NAALADL2: variants seen among roughly 807,000 people sequenced by gnomAD.
NAALADL2 encodes N-acetylated alpha-linked acidic dipeptidase like 2.
NAALADL2 carries 76 observed loss-of-function variants against 87.2 expected under a neutral mutation model. That is an observed-to-expected ratio of 0.87 (90% CI 0.72 to 1.05). The LOEUF (loss-of-function observed/expected upper bound fraction) is 1.05, where lower values mean the gene tolerates loss of function less well. Ranked by LOEUF, NAALADL2 falls within the 50% of genes least tolerant of loss-of-function variation. The pLI is 0.00. For synonymous variants in NAALADL2, 354 were observed against 331.0 expected, an observed-to-expected ratio of 1.07 and a Z score of -0.75; for missense variants, 1,089 against 945.8, an observed-to-expected ratio of 1.15 and a Z score of -1.99.
chr3:174,771,614 G>C (rs540150358), intron 3 of NAALADL2, among the ~76,000 whole-genome samples: 1 of 152,302 alleles, frequency 6.6e-6, no homozygotes, highest in East Asian at 1.9e-4. Context: ...TGATCCTAGG[G>C]ATTTCTGTGT....
intron 1 of NAALADL2, among the ~76,000 whole-genome samples, chr3:175,090,756 G>T (rs543990696): frequency 2.0e-5 from 3 of 152,148 alleles, no homozygotes; most frequent in Non-Finnish European, 4.4e-5. Flanking sequence ...ACTCATTTTA[G>T]AGTAGGCACT....
chr3:174,823,383 A>T (rs878873866), intron 3 of NAALADL2, among the ~76,000 whole-genome samples: 1 of 152,162 alleles, frequency 6.6e-6, no homozygotes, highest in Non-Finnish European at 1.5e-5. Context: ...TTAAGCAAAT[A>T]CTTTATATTT....
chr3:174,892,024 G>C (rs1282306699), intron 1 of NAALADL2, among the ~76,000 whole-genome samples: 1 of 152,092 alleles, frequency 6.6e-6, no homozygotes, highest in Admixed American at 6.6e-5. Flanking sequence ...GGCTTGGGGT[G>C]CCCCCTAAAG....
At chr3:174,872,396 G>A (rs941901937) in intron 1 of NAALADL2, among the ~76,000 whole-genome samples, 7 of 152,062 alleles carry the variant, frequency 4.6e-5, no homozygotes, top group Non-Finnish European at 7.3e-5. Context: ...GCCGGGATTC[G>A]GGATTCAAAC....
intron 4 of NAALADL2, among the ~76,000 whole-genome samples, chr3:175,289,328 C>T (rs1044181019): frequency 1.1e-4 from 16 of 152,022 alleles, no homozygotes; most frequent in African/African-American, 3.4e-4. Flanking sequence ...TTTAAGACTT[C>T]TATAGAGCTG....
At chr3:175,752,588 A>C (rs548194529) in intron 12 of NAALADL2, among the ~76,000 whole-genome samples, 3 of 152,284 alleles carry the variant, frequency 2.0e-5, no homozygotes, top group Non-Finnish European at 4.4e-5. Context: ...CTACTTTTCA[A>C]TTTGTAACCT....
intron 3 of NAALADL2, among the ~76,000 whole-genome samples, chr3:174,754,739 C>T (rs1387532740): frequency 6.6e-6 from 1 of 152,018 alleles, no homozygotes; most frequent in East Asian, 1.9e-4. Context: ...ATTAAAAGTG[C>T]TTACTTAGGG....
At chr3:175,434,532 A>T (rs997586836) in intron 5 of NAALADL2, among the ~76,000 whole-genome samples, 1 of 152,038 alleles carries the variant, frequency 6.6e-6, no homozygotes, top group South Asian at 2.1e-4. Flanking sequence ...AAATAAGTAG[A>T]TCTGGAAATA....
chr3:174,938,905 T>C (rs1486987814), intron 1 of NAALADL2, among the ~76,000 whole-genome samples: 1 of 152,162 alleles, frequency 6.6e-6, no homozygotes, highest in Non-Finnish European at 1.5e-5. Context: ...AAGTTCCTTA[T>C]AGAAGCTGGA....
chr3:174,501,325 G>C (rs575882590), intron 1 of NAALADL2, among the ~76,000 whole-genome samples: 25 of 143,004 alleles, frequency 1.7e-4, no homozygotes, highest in South Asian at 6.2e-4. Context: ...TGATCCGCCC[G>C]CCTCGGCCTT....
rs780466102 is a variant in NAALADL2 at position 175,097,260 on chromosome 3, A to G, written c.514A>G (p.Ile172Val). 2 of 1,612,278 alleles carry G rather than the reference A, an allele frequency of 1.2e-6. No individual in the cohort carries two copies. The highest frequency in any genetic ancestry group is 1.7e-6 in the Non-Finnish European group (2 of 1,178,908). The change falls in exon 2 of 14, where the codon ATC becomes GTC. Residue 172 changes from isoleucine (I) to valine (V), a missense_variant. By Grantham distance (29) the Ile-to-Val change is conservative (BLOSUM62 3). Transcript: ENST00000454872. ...PQLYQEILKTIQAEDIKKSFR... is the reference protein window; with the variant it reads ...PQLYQEILKTVQAEDIKKSFR... Reference sequence around the variant, plus strand: ...GTTATATCAAGAGATTCTCAAGACAATCCAGGCAGAAGATATTAAGAAGTC... The same window carrying G: ...GTTATATCAAGAGATTCTCAAGACAGTCCAGGCAGAAGATATTAAGAAGTC...
intron 3 of NAALADL2, among the ~76,000 whole-genome samples, chr3:174,780,991 C>T (rs969848639): frequency 4.6e-5 from 7 of 152,076 alleles, no homozygotes; most frequent in Non-Finnish European, 1.0e-4. Flanking sequence ...CAAAATCTCT[C>T]AGCATTTGCT....
At chr3:175,183,983 AT>A (rs1208918379) in intron 2 of NAALADL2, among the ~76,000 whole-genome samples, 1 of 135,142 alleles carries the variant, frequency 7.4e-6, no homozygotes, top group Non-Finnish European at 1.7e-5. Flanking sequence ...GTTTCCCTTT[AT>A]TTTTCAAGCC....
chr3:174,473,731 G>A (rs1478288762), intron 1 of NAALADL2, among the ~76,000 whole-genome samples: 1 of 152,042 alleles, frequency 6.6e-6, no homozygotes, highest in Non-Finnish European at 1.5e-5. Context: ...AAAAATATAT[G>A]TTCATTTGTT....
chr3:175,012,181 T>C (rs1172774283), intron 1 of NAALADL2, among the ~76,000 whole-genome samples: 1 of 152,170 alleles, frequency 6.6e-6, no homozygotes, highest in Non-Finnish European at 1.5e-5. Context: ...TTTATTTATC[T>C]GAGATGGAGA....
At chr3:174,952,081 A>G (rs1017805894) in intron 1 of NAALADL2, among the ~76,000 whole-genome samples, 2 of 152,102 alleles carry the variant, frequency 1.3e-5, no homozygotes, top group African/African-American at 4.8e-5. Context: ...CTTGTTCTGT[A>G]AAATTTTATT....
intron 11 of NAALADL2, among the ~76,000 whole-genome samples, chr3:175,710,719 CAT>C (rs553078632): frequency 1.9e-4 from 28 of 151,172 alleles, no homozygotes; most frequent in South Asian, 6.3e-4. Context: ...CATAGAAAGA[CAT>C]ATGTACATAT....
At chr3:175,264,380 G>A (rs940317456) in intron 4 of NAALADL2, among the ~76,000 whole-genome samples, 1 of 151,882 alleles carries the variant, frequency 6.6e-6, no homozygotes, top group African/African-American at 2.4e-5. Context: ...CTTAATATCT[G>A]TATGAGGTTC....
chr3:174,683,500 A>C (rs958264139), intron 2 of NAALADL2, among the ~76,000 whole-genome samples: 3 of 152,118 alleles, frequency 2.0e-5, no homozygotes, highest in African/African-American at 7.2e-5. Context: ...AAATAAACCT[A>C]ATTTAAAAAC....
Sources: gnomAD v4.1 joint callset for allele counts (sites outside exome capture counted in the v4.1 genomes callset) on GRCh38, gnomAD v4.1.1 for gene constraint, MANE v1.5 for transcripts, NCBI Gene and HGNC (gene_info 2026-07-23, HGNC 2026-07-21) for gene names.